TACC1: variants seen among roughly 807,000 people sequenced by gnomAD.
TACC1 encodes the protein transforming acidic coiled-coil containing protein 1.
A neutral mutation model predicts 84.4 loss-of-function variants in TACC1; 48 were observed. That is an observed-to-expected ratio of 0.57 (90% CI 0.45 to 0.72). The LOEUF is 0.72. Ranked by LOEUF, TACC1 falls within the 30% of genes least tolerant of loss-of-function variation. TACC1 has a pLI of 0.00. For synonymous variants in TACC1, 372 were observed against 376.3 expected (o/e 0.99, Z 0.13); for missense variants, 920 against 973.0 (o/e 0.95, Z 0.72).
intron 1 of TACC1, 53 bp from the exon 2 acceptor site, chr8:38,788,651 G>C (rs1817896206): frequency 7.5e-6 from 10 of 1,340,940 alleles, no homozygotes; most frequent in Non-Finnish European, 9.5e-6. Flanking sequence ...GATTTCAAAG[G>C]GTGTCGGAAA....
At chr8:38,821,714 A>T (rs1826855968) in intron 3 of TACC1, among the ~76,000 whole-genome samples, 1 of 152,114 alleles carries the variant, frequency 6.6e-6, no homozygotes, top group African/African-American at 2.4e-5. Flanking sequence ...TTGCTACAGG[A>T]TTACTTTATC....
At chr8:38,827,479 T>C (rs2152265731) in intron 5 of TACC1, 104 bp downstream of exon 5, 8 of 1,198,544 alleles carry the variant, frequency 6.7e-6, no homozygotes, top group South Asian at 2.8e-5. Context: ...ATTGGGTCAC[T>C]TGAAGGATAG....
At chr8:38,761,714 G>C (rs1209498693) in intron 3 of TACC1, among the ~76,000 whole-genome samples, 1 of 152,174 alleles carries the variant, frequency 6.6e-6, no homozygotes, top group Non-Finnish European at 1.5e-5. Flanking sequence ...CAAAATATTT[G>C]TTGTCATTAA....
At chr8:38,730,337 G>A (rs72636125) in intron 1 of TACC1, among the ~76,000 whole-genome samples, 5,906 of 152,366 alleles carry the variant, frequency 0.039, 166 homozygotes, top group Middle Eastern at 0.065. Context: ...GAGCCCCGGA[G>A]AGCTGACATT....
upstream of TACC1, among the ~76,000 whole-genome samples, chr8:38,785,523 T>C (rs574949938): frequency 2.6e-5 from 4 of 152,194 alleles, no homozygotes; most frequent in South Asian, 8.3e-4. Flanking sequence ...GTGGGAGTTA[T>C]TTACAGTAGA....
chr8:38,777,030 C>T (rs1472886012), intron 3 of TACC1, among the ~76,000 whole-genome samples: 6 of 151,936 alleles, frequency 3.9e-5, no homozygotes, highest in Admixed American at 1.3e-4. Flanking sequence ...CTGAGGCAGG[C>T]GGACCACCTG....
At position 38,851,933 on chromosome 8, in the gene TACC1, TTGAC is replaced by T. The variant is rs72517023; in HGVS notation, c.*3913_*3916del. On this transcript the variant is annotated 3_prime_UTR_variant, in exon 13 of 13. Transcript: ENST00000317827. Reference sequence around the variant, plus strand: ...CGAGGAGATATCTGTCCAAAAAGGTTTGACTGGCCTCCAGATTCCAGTTATTTTT... The same window carrying T: ...CGAGGAGATATCTGTCCAAAAAGGTTTGGCCTCCAGATTCCAGTTATTTTT... 0.19 allele frequency: 85,570 copies of T among 454,896 alleles called. 9,215 individuals are homozygous for T. The highest frequency in any genetic ancestry group is 0.23 in the Non-Finnish European group (52,515 of 226,216). 28.2% of individuals were successfully genotyped at this position (454,896 alleles called of 1,614,324 possible). A position where few individuals can be genotyped will look rare whatever the true frequency, so the allele number is the denominator to read the frequency against.
intron 11 of TACC1, 49 bp downstream of exon 11, chr8:38,843,444 G>C: frequency 7.2e-7 from 1 of 1,393,838 alleles, no homozygotes. Context: ...GTTGTGGGAA[G>C]ATTGAGAGAG....
chr8:38,787,089 G>A (rs1817339803), upstream of TACC1: 1 of 970,454 alleles, frequency 1.0e-6, no homozygotes, highest in Admixed American at 6.2e-5. Context: ...GCCGCGGTAG[G>A]GGGATCCGGC....
In TACC1 at chr8:38,817,495, C is replaced by A. The variant is rs924801876; in HGVS notation, c.278-2027C>A. 1.7e-4 allele frequency among the ~76,000 whole-genome samples: 26 copies of A among 152,154 alleles called. 1 individual carries two copies. The highest frequency in any genetic ancestry group is 2.8e-4 in the Non-Finnish European group (19 of 68,026). On this transcript the variant is annotated intron_variant, in intron 2 of 12. Coordinates refer to ENST00000317827, the MANE Select transcript of TACC1 (RefSeq NM_006283.3). ...CAACTGTATGACAGAGAAAATAGTACAATGAAAACTCCCATATACCTATTC... is the reference window on the plus strand; with the variant it reads ...CAACTGTATGACAGAGAAAATAGTAAAATGAAAACTCCCATATACCTATTC...
At chr8:38,790,681 C>G (rs189666757) in intron 2 of TACC1, among the ~76,000 whole-genome samples, 1 of 152,192 alleles carries the variant, frequency 6.6e-6, no homozygotes, top group Non-Finnish European at 1.5e-5. Context: ...TCAAGTTACT[C>G]TGGTAATAGA....
intron 2 of TACC1, among the ~76,000 whole-genome samples, chr8:38,798,732 C>G (rs13252897): frequency 6.6e-6 from 1 of 151,546 alleles, no homozygotes; most frequent in Non-Finnish European, 1.5e-5. Context: ...CTCAGAATCC[C>G]GCTGACCCAC....
chr8:38,744,249 G>T (rs1807627814), intron 2 of TACC1: 1 of 152,236 alleles, frequency 6.6e-6, no homozygotes, highest in Admixed American at 6.5e-5. Context: ...CTTCCTGGAA[G>T]TTGAACTTGA....
chr8:38,839,445 G>A (rs1830810148), intron 8 of TACC1: 5 of 379,290 alleles, frequency 1.3e-5, no homozygotes, highest in Non-Finnish European at 2.4e-5. Flanking sequence ...AACATTTTAA[G>A]TATATCCCTC....
chr8:38,743,123 T>A (rs1484832200), intron 2 of TACC1, among the ~76,000 whole-genome samples: 1 of 152,206 alleles, frequency 6.6e-6, no homozygotes, highest in Non-Finnish European at 1.5e-5. Flanking sequence ...TTTTTCATTG[T>A]TTAGGCAGTG....
intron 11 of TACC1, among the ~76,000 whole-genome samples, chr8:38,845,166 C>T (rs1002813612): frequency 1.3e-5 from 2 of 152,206 alleles, no homozygotes; most frequent in Non-Finnish European, 2.9e-5. Context: ...CTCAAGTGAT[C>T]CGCCCGCCTC....
intron 3 of TACC1, 124 bp from the exon 4 acceptor site, chr8:38,825,184 A>G: frequency 1.0e-6 from 1 of 981,438 alleles, no homozygotes; most frequent in Non-Finnish European, 1.6e-6. Flanking sequence ...GCGGCGATGT[A>G]TGATTTGTGT....
rs116767112 is a variant in TACC1, at chr8:38,766,380, G to T, written c.26+20887G>T. On this transcript the variant is annotated intron_variant, in intron 3 of 14. Transcript: ENST00000518415. ...ATTTAGCCTCCTTAAATTTGGGAATGTTACACAGAAACTTTAGAGTCCTGT... is the reference window on the plus strand; with the variant it reads ...ATTTAGCCTCCTTAAATTTGGGAATTTTACACAGAAACTTTAGAGTCCTGT... Among the ~76,000 whole-genome samples the T allele has an allele frequency of 2.8e-3, 423 of 152,340 alleles. 2 individuals are homozygous for T. Among genetic ancestry groups the T allele is most frequent in the African/African-American group, 9.9e-3 (412 of 41,576 alleles).
chr8:38,741,981 A>T (rs1306639605), intron 1 of TACC1, among the ~76,000 whole-genome samples: 1 of 152,256 alleles, frequency 6.6e-6, no homozygotes, highest in African/African-American at 2.4e-5. Context: ...GGAACAAAAC[A>T]AAAGAAGTTT....
Sources: allele counts gnomAD v4.1 joint callset (sites outside exome capture counted in the v4.1 genomes callset), GRCh38; gene constraint gnomAD v4.1.1; transcripts MANE v1.5; gene names NCBI Gene and HGNC (gene_info 2026-07-23, HGNC 2026-07-21).